The following DAB1 variants were observed in gnomAD, a reference collection of about 807,000 sequenced individuals.
DAB1 encodes disabled homolog 1.
In DAB1, 15 loss-of-function variants were observed where a neutral mutation model predicts 64.6. That is an observed-to-expected ratio of 0.23 (90% CI 0.16 to 0.36). DAB1 has a LOEUF of 0.36. Ranked by LOEUF, DAB1 falls within the 10% of genes least tolerant of loss-of-function variation. The pLI is 1.00. For synonymous variants in DAB1, 235 were observed against 251.9 expected (o/e 0.93, Z 0.64); for missense variants, 596 against 706.7 (o/e 0.84, Z 1.78).
chr1:57,003,310 T>C (rs751616232), intron 14 of DAB1, among the ~76,000 whole-genome samples: 14 of 152,204 alleles, frequency 9.2e-5, no homozygotes, highest in Non-Finnish European at 1.9e-4. Flanking sequence ...GGTATATCTC[T>C]ACAGAAACTT....
intron 6 of DAB1, among the ~76,000 whole-genome samples, chr1:57,684,610 G>T (rs1646672966): frequency 1.3e-5 from 2 of 152,136 alleles, no homozygotes; most frequent in African/African-American, 4.8e-5. Flanking sequence ...AGAGCAAAAA[G>T]TCCTTAAGGT....
At chr1:58,432,852 G>A (rs1216571220) in intron 3 of DAB1, among the ~76,000 whole-genome samples, 1 of 152,180 alleles carries the variant, frequency 6.6e-6, no homozygotes, top group Non-Finnish European at 1.5e-5. Context: ...GCTTCTTTCA[G>A]GGCTCCATGG....
intron 7 of DAB1, among the ~76,000 whole-genome samples, chr1:57,479,483 G>A (rs1040141129): frequency 6.6e-6 from 1 of 150,396 alleles, no homozygotes; most frequent in African/African-American, 2.4e-5. Context: ...ATAAAACTCT[G>A]TGTTCTAGTT....
At chr1:58,118,030 A>G (rs1652454027) in intron 5 of DAB1, among the ~76,000 whole-genome samples, 1 of 151,682 alleles carries the variant, frequency 6.6e-6, no homozygotes, top group Non-Finnish European at 1.5e-5. Context: ...CAGCCTCCTG[A>G]GTAGCTGGGA....
intron 4 of DAB1, among the ~76,000 whole-genome samples, chr1:58,253,763 G>A (rs1660858843): frequency 1.3e-5 from 2 of 152,154 alleles, no homozygotes; most frequent in South Asian, 4.1e-4. Flanking sequence ...GAGCCTTCTG[G>A]CTCCAAATCT....
At chr1:58,069,551 G>A (rs1177470940) in intron 5 of DAB1, among the ~76,000 whole-genome samples, 4 of 152,140 alleles carry the variant, frequency 2.6e-5, no homozygotes, top group East Asian at 1.9e-4. Flanking sequence ...CTAAGGCCCA[G>A]AGAGGTTAAT....
chr1:57,906,195 T>C (rs1301758116), intron 5 of DAB1, among the ~76,000 whole-genome samples: 1 of 152,158 alleles, frequency 6.6e-6, no homozygotes, highest in Non-Finnish European at 1.5e-5. Flanking sequence ...GCAGCCATTG[T>C]GTATGTAGAA....
In DAB1 at chr1:58,154,256, C is replaced by A. The variant is rs143135468; in HGVS notation, n.310-3668G>T. Among the ~76,000 whole-genome samples, 49 of 152,152 alleles carry A rather than the reference C, an allele frequency of 3.2e-4. 1 individual carries two copies. In the East Asian group the frequency reaches 7.3e-3, roughly 23 times the overall value. ...ACCCCTATCTGGAGGAGCTTAATAT[C>A]TATTGAGCAAAAAAGACTCGTTAGA... is the stretch of plus-strand genomic sequence containing the variant. On this transcript the variant is annotated intron_variant and non_coding_transcript_variant, in intron 4 of 20. Coordinates refer to the DAB1 transcript ENST00000485760.
chr1:58,372,445 AGAGGTGG>A (rs1644273476), intron 3 of DAB1, among the ~76,000 whole-genome samples: 1 of 152,182 alleles, frequency 6.6e-6, no homozygotes, highest in Non-Finnish European at 1.5e-5. Context: ...TTACAGGCTC[AGAGGTGG>A]AAGGGACTTG....
intron 2 of DAB1, among the ~76,000 whole-genome samples, chr1:57,258,100 GTT>G (rs373028404): frequency 6.6e-6 from 1 of 152,124 alleles, no homozygotes; most frequent in African/African-American, 2.4e-5. Flanking sequence ...AAGCACTGGG[GTT>G]TTTTGGCATT....
downstream of DAB1, among the ~76,000 whole-genome samples, chr1:57,824,581 C>T (rs1469559058): frequency 1.3e-5 from 2 of 152,104 alleles, no homozygotes; most frequent in East Asian, 1.9e-4. Context: ...TATATTTGAC[C>T]TCACCAATAA....
intron 7 of DAB1, among the ~76,000 whole-genome samples, chr1:57,608,233 A>G (rs1217944576): frequency 6.6e-6 from 1 of 152,208 alleles, no homozygotes; most frequent in African/African-American, 2.4e-5. Flanking sequence ...TTGAATGCAC[A>G]CACAGACACA....
intron 1 of DAB1, among the ~76,000 whole-genome samples, chr1:57,311,706 C>T (rs1216286335): frequency 1.3e-5 from 2 of 152,170 alleles, no homozygotes; most frequent in Non-Finnish European, 2.9e-5. Context: ...ATGTCCCACA[C>T]CCTTTATTTC....
At chr1:58,256,724 C>T (rs1660938977) in intron 4 of DAB1, among the ~76,000 whole-genome samples, 1 of 150,496 alleles carries the variant, frequency 6.6e-6, no homozygotes, top group Non-Finnish European at 1.5e-5. Context: ...TTGTTCATCT[C>T]CATAGCCCCA....
chr1:58,528,682 T>C lies in DAB1; in HGVS notation n.33-1347A>G, dbSNP rs191944303. Among the ~76,000 whole-genome samples the C allele has an allele frequency of 2.0e-5, 3 of 152,306 alleles. No homozygotes were observed. The East Asian group carries it at 5.8e-4, about 29-fold the overall frequency. On this transcript the variant is annotated intron_variant and non_coding_transcript_variant, in intron 1 of 20. Coordinates refer to the DAB1 transcript ENST00000485760. ...TCCAAAGTGTGAGTAGTGCTGAGAT[T>C]GAGAAATCCTGCTTTAAATGTGTCA...
chr1:58,075,195 A>G (rs1311776445), intron 5 of DAB1, among the ~76,000 whole-genome samples: 3 of 152,170 alleles, frequency 2.0e-5, no homozygotes, highest in South Asian at 2.1e-4. Context: ...TTATTGTTTA[A>G]TCACTTTTTT....
intron 5 of DAB1, among the ~76,000 whole-genome samples, chr1:57,933,361 T>C (rs1644980012): frequency 6.6e-6 from 1 of 151,696 alleles, no homozygotes; most frequent in African/African-American, 2.4e-5. Context: ...AGCTTTTTAC[T>C]TGTTGTTAGG....
At chr1:57,421,932 A>C (rs1570495983) in intron 1 of DAB1, among the ~76,000 whole-genome samples, 18 of 106,698 alleles carry the variant, frequency 1.7e-4, no homozygotes, top group South Asian at 3.0e-4. Context: ...GGGGGTGCCT[A>C]CTCCTTCTGA....
intron 9 of DAB1, among the ~76,000 whole-genome samples, chr1:57,036,982 TC>T (rs1459875289): frequency 2.0e-5 from 3 of 151,992 alleles, no homozygotes; most frequent in African/African-American, 7.3e-5. Flanking sequence ...AGGAAGAAAA[TC>T]TTTTTTATGG....
Sources: gnomAD v4.1 joint callset for allele counts (sites outside exome capture counted in the v4.1 genomes callset) on GRCh38, gnomAD v4.1.1 for gene constraint, MANE v1.5 for transcripts, NCBI Gene and HGNC (gene_info 2026-07-23, HGNC 2026-07-21) for gene names.